Variants in TMCC1 observed in about 807,000 individuals in gnomAD.
TMCC1 encodes transmembrane and coiled-coil domains protein 1.
In TMCC1, 15 loss-of-function variants were observed where a neutral mutation model predicts 52.4. That is an observed-to-expected ratio of 0.29 (90% CI 0.19 to 0.44). The LOEUF is 0.44. Ranked by LOEUF, TMCC1 falls within the 20% of genes least tolerant of loss-of-function variation. The probability of loss-of-function intolerance (pLI) is 1.00; values close to 1 mark genes in which losing one functional copy is unlikely to be tolerated. For missense variants in TMCC1, 503 were observed against 806.0 expected, an observed-to-expected ratio of 0.62 and a Z score of 4.55; for synonymous variants, 279 against 301.9, an observed-to-expected ratio of 0.92 and a Z score of 0.79.
In TMCC1 at chr3:129,811,484, G is replaced by C. The variant is rs867143415; in HGVS notation, c.576+16319C>G. Among the ~76,000 whole-genome samples the C allele has an allele frequency of 7.5e-4, 114 of 151,964 alleles. 1 individual carries two copies. The highest frequency in any genetic ancestry group is 3.4e-3 in the Middle Eastern group (1 of 294). On this transcript the variant is annotated intron_variant, in intron 4 of 6. Transcript: ENST00000393238. ...GGGTCTCACTGTGTTGCCCAGGCTG[G>C]TCTTGAACTCCTGGCTCCAGTGATC...
At chr3:129,694,776 A>C (rs1343904168) in intron 4 of TMCC1, among the ~76,000 whole-genome samples, 1 of 152,140 alleles carries the variant, frequency 6.6e-6, no homozygotes, top group Non-Finnish European at 1.5e-5. Context: ...AATAACCATA[A>C]GAATGGGCAG....
intron 4 of TMCC1, among the ~76,000 whole-genome samples, chr3:129,780,033 CT>C (rs1208337547): frequency 6.6e-6 from 1 of 152,064 alleles, no homozygotes; most frequent in African/African-American, 2.4e-5. Flanking sequence ...TTCTGATCCC[CT>C]TTTTTCACTG....
rs1311524021 is a variant in TMCC1, at chr3:129,650,438, G to C, written c.*1043C>G. ...AAAGCAGCAGCAGCAGCCAGAGGGA[G>C]TTTAAACTGCATCTCAAAACAAAGG... On this transcript the variant is annotated 3_prime_UTR_variant, in exon 7 of 7. Transcript: ENST00000393238. 6.6e-6 allele frequency: 1 copy of C among 152,608 alleles called. No individual in the cohort carries two copies. Among genetic ancestry groups the C allele is most frequent in the Non-Finnish European group, 1.5e-5 (1 of 68,100 alleles). 9.5% of individuals were successfully genotyped at this position (152,608 alleles called of 1,614,324 possible). A position where few individuals can be genotyped will look rare whatever the true frequency, so the allele number is the denominator to read the frequency against.
At chr3:129,712,033 C>T (rs1310962338) in intron 4 of TMCC1, among the ~76,000 whole-genome samples, 7 of 137,048 alleles carry the variant, frequency 5.1e-5, no homozygotes, top group African/African-American at 2.0e-4. Flanking sequence ...AAAAATTAGC[C>T]AGGGATGGTG....
At chr3:129,837,574 T>C (rs1228198779) in intron 2 of TMCC1, among the ~76,000 whole-genome samples, 1 of 152,192 alleles carries the variant, frequency 6.6e-6, no homozygotes, top group African/African-American at 2.4e-5. Context: ...ATCAAGCATA[T>C]ACCTCAGTAT....
At chr3:129,759,142 A>C (rs1385968808) in intron 4 of TMCC1, among the ~76,000 whole-genome samples, 1 of 152,154 alleles carries the variant, frequency 6.6e-6, no homozygotes, top group East Asian at 1.9e-4. Context: ...TGTGGGTTTT[A>C]AGTGGTTAGA....
chr3:129,771,774 CAAAA>C (rs755523077), intron 4 of TMCC1, among the ~76,000 whole-genome samples: 7 of 75,682 alleles, frequency 9.2e-5, no homozygotes, highest in East Asian at 9.1e-4. Context: ...GACACTGTCT[CAAAA>C]AAAAAAAAAA....
intron 4 of TMCC1, among the ~76,000 whole-genome samples, chr3:129,775,618 C>T (rs185980991): frequency 7.2e-4 from 110 of 152,226 alleles, no homozygotes; most frequent in Non-Finnish European, 2.4e-4. Context: ...GGTTCAACCA[C>T]GTTAAATATT....
chr3:129,850,340 C>T (rs550012831), intron 2 of TMCC1, among the ~76,000 whole-genome samples: 2 of 152,244 alleles, frequency 1.3e-5, no homozygotes, highest in African/African-American at 2.4e-5. Context: ...ATACCCAACA[C>T]ACTGATGTTA....
chr3:129,759,424 C>A (rs1267043385), intron 4 of TMCC1, among the ~76,000 whole-genome samples: 1 of 151,756 alleles, frequency 6.6e-6, no homozygotes, highest in South Asian at 2.1e-4. Context: ...TGTGTCACAA[C>A]GTCCAGCTAA....
chr3:129,821,357 C>T (rs780588793), intron 4 of TMCC1, among the ~76,000 whole-genome samples: 19 of 151,990 alleles, frequency 1.3e-4, no homozygotes, highest in Middle Eastern at 3.2e-3. Flanking sequence ...TGACCTGCCC[C>T]AAAATACTCA....
chr3:129,792,205 C>CAT (rs1220101887), intron 4 of TMCC1, among the ~76,000 whole-genome samples: 3 of 150,158 alleles, frequency 2.0e-5, no homozygotes, highest in Admixed American at 1.3e-4. Flanking sequence ...TATATATACA[C>CAT]ATATATATAT....
intron 4 of TMCC1, among the ~76,000 whole-genome samples, chr3:129,756,171 G>A (rs145732431): frequency 2.6e-5 from 4 of 151,122 alleles, no homozygotes; most frequent in Non-Finnish European, 4.4e-5. Context: ...GTTAAACATA[G>A]ATTTATCATA....
chr3:129,854,144 C>T (rs980252452), intron 2 of TMCC1, among the ~76,000 whole-genome samples: 6 of 152,166 alleles, frequency 3.9e-5, no homozygotes, highest in Admixed American at 3.9e-4. Flanking sequence ...CACATCCCAG[C>T]ACTTTGGGAG....
intron 2 of TMCC1, among the ~76,000 whole-genome samples, chr3:129,876,134 CA>C (rs374132880): frequency 0.052 from 4,032 of 77,348 alleles, 70 homozygotes; most frequent in Non-Finnish European, 0.061. Flanking sequence ...GATTTCATCT[CA>C]AAAAAAAAAA....
At chr3:129,751,905 T>C (rs2052564315) in intron 4 of TMCC1, among the ~76,000 whole-genome samples, 1 of 152,200 alleles carries the variant, frequency 6.6e-6, no homozygotes, top group Non-Finnish European at 1.5e-5. Flanking sequence ...GAATTATCTG[T>C]AGGACTTCAA....
At chr3:129,891,847 TGA>T (rs1212126803) in intron 1 of TMCC1, among the ~76,000 whole-genome samples, 1 of 152,240 alleles carries the variant, frequency 6.6e-6, no homozygotes, top group Non-Finnish European at 1.5e-5. Flanking sequence ...TGCACATTTA[TGA>T]GAGGCATAAG....
chr3:129,683,750 T>C (rs2089194594), intron 4 of TMCC1, among the ~76,000 whole-genome samples: 1 of 151,752 alleles, frequency 6.6e-6, no homozygotes, highest in African/African-American at 2.4e-5. Flanking sequence ...TCCATCCTCC[T>C]ACCTTTTGGA....
chr3:129,848,307 T>C (rs2059760357), intron 2 of TMCC1: 1 of 152,248 alleles, frequency 6.6e-6, no homozygotes, highest in Non-Finnish European at 1.5e-5. Context: ...GTTTTAGCTC[T>C]TCAAGTTAGG....
Sources: allele counts gnomAD v4.1 joint callset (sites outside exome capture counted in the v4.1 genomes callset), GRCh38; gene constraint gnomAD v4.1.1; transcripts MANE v1.5; gene names NCBI Gene and HGNC (gene_info 2026-07-23, HGNC 2026-07-21).